HK1: variants seen among roughly 807,000 people sequenced by gnomAD.
HK1 encodes the protein hexokinase 1.
Under a neutral mutation model 91.6 loss-of-function variants are expected in HK1, and 28 were observed. The observed-to-expected ratio is 0.31, with a 90% CI of 0.23 to 0.42. The LOEUF (loss-of-function observed/expected upper bound fraction) is 0.42, where lower values mean the gene tolerates loss of function less well. Ranked by LOEUF, HK1 falls within the 10% of genes least tolerant of loss-of-function variation. The pLI is 1.00. For missense variants in HK1, 770 were observed against 1,219.8 expected, an observed-to-expected ratio of 0.63 and a Z score of 5.49; for synonymous variants, 430 against 468.1, an observed-to-expected ratio of 0.92 and a Z score of 1.05.
At chr10:69,278,161 G>A (rs1312296381) in intron 1 of HK1, among the ~76,000 whole-genome samples, 1 of 152,228 alleles carries the variant, frequency 6.6e-6, no homozygotes, top group Non-Finnish European at 1.5e-5. Context: ...ATTTCCTAGG[G>A]AAACTGACAG....
upstream of HK1, among the ~76,000 whole-genome samples, chr10:69,313,545 C>T (rs1476803892): frequency 6.6e-6 from 1 of 152,212 alleles, no homozygotes; most frequent in Non-Finnish European, 1.5e-5. Context: ...TCACCACAAC[C>T]TCTGCCTCCC....
chr10:69,387,887 C>CT (rs1839720206), intron 13 of HK1, among the ~76,000 whole-genome samples: 3 of 147,868 alleles, frequency 2.0e-5, no homozygotes, highest in South Asian at 2.1e-4. Context: ...TTTTTTTTGA[C>CT]TTTTTTTCAA....
At chr10:69,357,013 A>T in intron 2 of HK1, among the ~76,000 whole-genome samples, 1 of 152,348 alleles carries the variant, frequency 6.6e-6, no homozygotes, top group Non-Finnish European at 1.5e-5. Context: ...TCATCAGAGA[A>T]ATGCAAATTG....
At chr10:69,283,428 C>T (rs554531290) in intron 2 of HK1, among the ~76,000 whole-genome samples, 1 of 151,488 alleles carries the variant, frequency 6.6e-6, no homozygotes, top group Non-Finnish European at 1.5e-5. Context: ...GCACTCCAGC[C>T]TGGGTGACTG....
intron 3 of HK1, among the ~76,000 whole-genome samples, chr10:69,360,597 G>T: frequency 6.6e-6 from 1 of 152,282 alleles, no homozygotes; most frequent in Non-Finnish European, 1.5e-5. Flanking sequence ...GGGAAATCAC[G>T]GTCCCCTCCT....
chr10:69,284,683 G>A (rs550864800), intron 2 of HK1, among the ~76,000 whole-genome samples: 14 of 152,304 alleles, frequency 9.2e-5, no homozygotes, highest in African/African-American at 3.4e-4. Flanking sequence ...CTGTCGCCCA[G>A]GCTGGAGTGC....
At chr10:69,362,407 T>A (rs181548434) in intron 3 of HK1, among the ~76,000 whole-genome samples, 20 of 151,602 alleles carry the variant, frequency 1.3e-4, no homozygotes, top group African/African-American at 4.9e-4. Context: ...ATAAAGAGTG[T>A]GTTGTCAGGC....
At chr10:69,310,189 G>A in intron 5 of HK1, among the ~76,000 whole-genome samples, 1 of 151,196 alleles carries the variant, frequency 6.6e-6, no homozygotes. Context: ...GGGAGGCCAA[G>A]GCAGGCAGAT....
At chr10:69,376,856 T>A in intron 7 of HK1, 78 bp from the exon 8 acceptor site, 1 of 1,572,406 alleles carries the variant, frequency 6.4e-7, no homozygotes, top group South Asian at 1.1e-5. Context: ...GGCTTCCCAT[T>A]CCTTTTATGT....
In HK1 at chr10:69,344,086, T is replaced by A. The variant is rs1848430117; in HGVS notation, c.226+97T>A. 4.8e-6 allele frequency: 6 copies of A among 1,260,166 alleles called. 1 individual carries two copies. The South Asian group carries it at 7.3e-5, about 15-fold the overall frequency. 78.1% of individuals were successfully genotyped at this position (1,260,166 alleles called of 1,614,324 possible). A position where few individuals can be genotyped will look rare whatever the true frequency, so the allele number is the denominator to read the frequency against. On this transcript the variant is annotated intron_variant, in intron 2 of 17. Coordinates refer to ENST00000359426, the MANE Select transcript of HK1 (RefSeq NM_000188.3). ...GTTCATACATTTGCTCATTCATTCA[T>A]TCACCATTCCATCAATCTGCTCTCC...
At chr10:69,287,445 G>A (rs12265826) in intron 2 of HK1, among the ~76,000 whole-genome samples, 4 of 152,134 alleles carry the variant, frequency 2.6e-5, no homozygotes, top group Non-Finnish European at 5.9e-5. Flanking sequence ...AAAATGAGAT[G>A]TGGGTTGGGA....
At chr10:69,270,848 C>T (rs773040827) in intron 1 of HK1, among the ~76,000 whole-genome samples, 1 of 152,114 alleles carries the variant, frequency 6.6e-6, no homozygotes, top group African/African-American at 2.4e-5. Context: ...CCTATTGTCC[C>T]CAGAGCCTAC....
chr10:69,357,873 G>T (rs890017174), intron 2 of HK1, among the ~76,000 whole-genome samples: 1 of 152,118 alleles, frequency 6.6e-6, no homozygotes, highest in East Asian at 1.9e-4. Context: ...TAGTTAAAGG[G>T]TATAGGGTTT....
At chr10:69,338,701 G>GTGTGTGTAAGTACT (rs1267405386) in intron 1 of HK1, 1 of 1,172,002 alleles carries the variant, frequency 8.5e-7, no homozygotes, top group Non-Finnish European at 1.1e-6. Context: ...GTGTGTGTGT[G>GTGTGTGTAAGTACT]TGTGTGTGTA....
chr10:69,318,748 G>A, upstream of HK1: 1 of 1,054,182 alleles, frequency 9.5e-7, no homozygotes, highest in Non-Finnish European at 1.3e-6. Flanking sequence ...TGGGTCGGCT[G>A]GCGGCTGTCA....
intron 1 of HK1, among the ~76,000 whole-genome samples, chr10:69,320,505 G>A (rs952682581): frequency 1.3e-5 from 2 of 152,078 alleles, no homozygotes; most frequent in African/African-American, 4.8e-5. Flanking sequence ...CTGTGCGTGC[G>A]GGTGTGTGCA....
intron 8 of HK1, among the ~76,000 whole-genome samples, chr10:69,377,869 G>C (rs1370213112): frequency 6.6e-6 from 1 of 152,150 alleles, no homozygotes; most frequent in African/African-American, 2.4e-5. Context: ...AGAAACACCG[G>C]TTAACAGATG....
chr10:69,380,133 C>A lies in HK1; in HGVS notation c.1265+38C>A. 1.3e-6 allele frequency: 2 copies of A among 1,529,054 alleles called. No individual in the cohort carries two copies. The highest frequency in any genetic ancestry group is 1.8e-6 in the Non-Finnish European group (2 of 1,102,528). 94.7% of individuals were successfully genotyped at this position (1,529,054 alleles called of 1,614,324 possible). On this transcript the variant is annotated intron_variant, in intron 9 of 17. Coordinates refer to ENST00000359426, the MANE Select transcript of HK1 (RefSeq NM_000188.3). This position sits in a 1 kb window ranked among gnomAD's most constrained non-coding sequence, Gnocchi z 4.0. ...TTTGCTATCATTGGCACTCTGTACC[C>A]ATTGTGGGTAGGGACCTTCTCCAGA... is the stretch of plus-strand genomic sequence containing the variant.
At position 69,389,273 on chromosome 10, in the gene HK1, C is replaced by T. The variant is rs1277529333; in HGVS notation, c.2012C>T (p.Thr671Ile). 1.2e-6 allele frequency: 2 copies of T among 1,611,758 alleles called. No homozygotes were observed. The highest frequency in any genetic ancestry group is 2.2e-5 in the East Asian group (1 of 44,818). ...TMMTCAYEEP[T>I]CEVGLIVGTG... ...ATGACCTGTGCTTATGAGGAGCCCA[C>T]CTGTGAGGTTGGACTCATTGTTGGT... Residue 671 changes from threonine (T) to isoleucine (I), a missense_variant, in exon 14 of 18, where the codon ACC becomes ATC. This residue lies in a region of HK1 where 152 missense variants were observed against 211.1 expected (regional missense o/e 0.72). Transcript: ENST00000359426.
Sources: allele counts gnomAD v4.1 joint callset (sites outside exome capture counted in the v4.1 genomes callset), GRCh38; gene constraint gnomAD v4.1.1; regional missense constraint gnomAD v4.1.1; non-coding constraint Gnocchi (gnomAD v3.1); transcripts MANE v1.5; gene names NCBI Gene and HGNC (gene_info 2026-07-23, HGNC 2026-07-21).